The following DNAJC1 variants were observed in gnomAD, a reference collection of about 807,000 sequenced individuals.
The protein encoded by DNAJC1 is dnaJ homolog subfamily C member 1.
Under a neutral mutation model 76.6 loss-of-function variants are expected in DNAJC1, and 58 were observed. The ratio of observed to expected loss-of-function variants is 0.76; its 90% CI spans 0.61 to 0.94. The LOEUF is 0.94. Among genes scored for constraint, DNAJC1 ranks in the 40% least tolerant of loss-of-function variants. DNAJC1 has a pLI of 0.00. For synonymous variants in DNAJC1, 258 were observed against 267.9 expected, an observed-to-expected ratio of 0.96 and a Z score of 0.36; for missense variants, 689 against 677.3, an observed-to-expected ratio of 1.02 and a Z score of -0.19.
chr10:21,900,229 G>C (rs1590039848), intron 7 of DNAJC1, among the ~76,000 whole-genome samples: 1 of 151,814 alleles, frequency 6.6e-6, no homozygotes, highest in East Asian at 1.9e-4. Flanking sequence ...CGTAATCCTA[G>C]CTACTCGGGA....
At chr10:21,782,254 T>C (rs1318753203) in intron 9 of DNAJC1, among the ~76,000 whole-genome samples, 1 of 152,164 alleles carries the variant, frequency 6.6e-6, no homozygotes, top group Non-Finnish European at 1.5e-5. Flanking sequence ...CAGAGAATAC[T>C]ATAAACACCG....
chr10:21,843,003 A>G (rs944772239), intron 8 of DNAJC1, among the ~76,000 whole-genome samples: 2 of 152,190 alleles, frequency 1.3e-5, no homozygotes, highest in African/African-American at 4.8e-5. Context: ...AAAAGCAGCG[A>G]AAAGTATGCT....
chr10:21,842,750 T>C (rs1186571725), intron 8 of DNAJC1, among the ~76,000 whole-genome samples: 2 of 152,188 alleles, frequency 1.3e-5, no homozygotes, highest in Non-Finnish European at 2.9e-5. Context: ...CACCTCTGCC[T>C]TCCCATAATT....
At chr10:21,994,554 C>A (rs918383675) in intron 1 of DNAJC1, among the ~76,000 whole-genome samples, 1 of 151,968 alleles carries the variant, frequency 6.6e-6, no homozygotes, top group African/African-American at 2.4e-5. Context: ...TTTGGGAGGC[C>A]GAGACAGGTG....
chr10:21,840,254 C>G (rs1001549277), intron 8 of DNAJC1, among the ~76,000 whole-genome samples: 2 of 152,086 alleles, frequency 1.3e-5, no homozygotes, highest in South Asian at 4.1e-4. Flanking sequence ...CTGGCCAGGG[C>G]AATCAGGCAG....
At chr10:21,913,490 T>G (rs1045514279) in intron 6 of DNAJC1, among the ~76,000 whole-genome samples, 4 of 152,122 alleles carry the variant, frequency 2.6e-5, no homozygotes, top group Admixed American at 6.5e-5. Flanking sequence ...GCCCAAATAT[T>G]TAAGGTTCTG....
intron 6 of DNAJC1, among the ~76,000 whole-genome samples, chr10:21,909,886 C>A (rs1379186399): frequency 6.6e-6 from 1 of 152,186 alleles, no homozygotes; most frequent in Non-Finnish European, 1.5e-5. Context: ...TTCCTATCAA[C>A]CAGTGACAGA....
chr10:21,819,138 C>T (rs1289379944), intron 8 of DNAJC1, among the ~76,000 whole-genome samples: 2 of 152,290 alleles, frequency 1.3e-5, no homozygotes, highest in East Asian at 3.9e-4. Flanking sequence ...CGCGGTGGCT[C>T]ATGCCTGTTA....
At chr10:21,917,582 G>C (rs1051322648) in intron 6 of DNAJC1, among the ~76,000 whole-genome samples, 4 of 151,882 alleles carry the variant, frequency 2.6e-5, no homozygotes, top group African/African-American at 9.7e-5. Context: ...AAACATACCA[G>C]TGTGATAAAG....
intron 8 of DNAJC1, among the ~76,000 whole-genome samples, chr10:21,852,174 A>G (rs1265571162): frequency 6.6e-6 from 1 of 152,108 alleles, no homozygotes; most frequent in Non-Finnish European, 1.5e-5. Flanking sequence ...TACTAGCTAC[A>G]AAGTGGATGA....
chr10:21,913,769 G>C (rs759774583), intron 6 of DNAJC1, among the ~76,000 whole-genome samples: 1 of 152,160 alleles, frequency 6.6e-6, no homozygotes, highest in East Asian at 1.9e-4. Context: ...AGACTGGTAA[G>C]ATGTCAAAGT....
rs921302188 is a variant in DNAJC1 at position 22,003,618 on chromosome 10, A to T, written c.-184T>A. 1 of 635,620 alleles carries T rather than the reference A, an allele frequency of 1.6e-6. No homozygotes were observed. The highest frequency in any genetic ancestry group is 1.9e-5 in the African/African-American group (1 of 52,208). 39.4% of individuals were successfully genotyped at this position (635,620 alleles called of 1,614,324 possible). On this transcript the variant is annotated 5_prime_UTR_variant, in exon 1 of 12. Coordinates refer to ENST00000376980, the MANE Select transcript of DNAJC1 (RefSeq NM_022365.4). ...GGAGGCGGCGGGAGCCGGCTGCCGG[A>T]CGGGCGGGTGGGTAGGCGGGCGGGG...
intron 9 of DNAJC1, among the ~76,000 whole-genome samples, chr10:21,768,353 T>C (rs1771640000): frequency 6.6e-6 from 1 of 152,214 alleles, no homozygotes; most frequent in Non-Finnish European, 1.5e-5. Context: ...GAAAGCATGA[T>C]CATTAAGAGC....
intron 8 of DNAJC1, among the ~76,000 whole-genome samples, chr10:21,869,215 CAAAAA>C (rs552376355): frequency 2.1e-5 from 2 of 94,450 alleles, no homozygotes; most frequent in African/African-American, 3.8e-5. Flanking sequence ...GACCATATCT[CAAAAA>C]AAAAAAAAAA....
intron 1 of DNAJC1, among the ~76,000 whole-genome samples, chr10:21,992,874 G>T (rs1463222734): frequency 6.6e-6 from 1 of 152,130 alleles, no homozygotes; most frequent in African/African-American, 2.4e-5. Flanking sequence ...TTACTCTGGA[G>T]TTATTGTAAA....
At chr10:21,813,058 T>C (rs1834997006) in intron 8 of DNAJC1, among the ~76,000 whole-genome samples, 1 of 135,194 alleles carries the variant, frequency 7.4e-6, no homozygotes, top group Admixed American at 8.0e-5. Context: ...CACACATATA[T>C]ATACATATAT....
chr10:21,790,159 TA>T (rs779854863), intron 9 of DNAJC1, among the ~76,000 whole-genome samples: 68 of 114,872 alleles, frequency 5.9e-4, no homozygotes, highest in Admixed American at 6.8e-4. Context: ...ATCAAAAAAG[TA>T]AAAAAAAAAA....
At chr10:21,999,110 G>T (rs1564849496) in intron 1 of DNAJC1, among the ~76,000 whole-genome samples, 1 of 152,174 alleles carries the variant, frequency 6.6e-6, no homozygotes, top group Non-Finnish European at 1.5e-5. Context: ...CTGCCTTCTA[G>T]TTTAGGATAT....
intron 7 of DNAJC1, 148 bp from the exon 8 acceptor site, chr10:21,882,587 T>C: frequency 1.8e-6 from 1 of 567,154 alleles, no homozygotes; most frequent in East Asian, 3.5e-5. Flanking sequence ...TTATTGTACA[T>C]AAACCATTGC....
Sources: allele counts gnomAD v4.1 joint callset (sites outside exome capture counted in the v4.1 genomes callset), GRCh38; gene constraint gnomAD v4.1.1; transcripts MANE v1.5; gene names NCBI Gene and HGNC (gene_info 2026-07-23, HGNC 2026-07-21).